The following DIXDC1 variants were observed in gnomAD, a reference collection of about 807,000 sequenced individuals.
DIXDC1 encodes the protein dixin.
Under a neutral mutation model 103.1 loss-of-function variants are expected in DIXDC1, and 64 were observed. The ratio of observed to expected loss-of-function variants is 0.62; its 90% CI spans 0.51 to 0.76. The LOEUF (loss-of-function observed/expected upper bound fraction) is 0.76, where lower values mean the gene tolerates loss of function less well. DIXDC1 is among the 30% of genes least tolerant of loss of function. DIXDC1 has a pLI of 0.00. For missense variants in DIXDC1, 759 were observed against 834.2 expected (o/e 0.91, Z 1.11); for synonymous variants, 266 against 298.5 (o/e 0.89, Z 1.12).
At chr11:111,961,164 T>A (rs1460549971) in intron 1 of DIXDC1, among the ~76,000 whole-genome samples, 5 of 152,206 alleles carry the variant, frequency 3.3e-5, no homozygotes, top group Non-Finnish European at 7.3e-5. Flanking sequence ...ATGCTACTGA[T>A]CTGGGAAGCA....
chr11:111,977,509 G>T lies in DIXDC1; in HGVS notation c.656+2526G>T, dbSNP rs587652327. ...GGGAGGCAGCTTCCGCCGGGGCCGG[G>T]CTGCTGCACAGTCTGAGCGGCCGGG... On this transcript the variant is annotated intron_variant, in intron 5 of 19. Coordinates refer to ENST00000440460, the MANE Select transcript of DIXDC1 (RefSeq NM_001037954.4). This position sits in a 1 kb window ranked among gnomAD's most constrained non-coding sequence, Gnocchi z 6.1. 44 of 1,357,580 alleles carry T rather than the reference G, an allele frequency of 3.2e-5. No individual in the cohort carries two copies. The highest frequency in any genetic ancestry group is 7.6e-5 in the Admixed American group (2 of 26,476). The allele number at this position is 1,357,580 out of a possible 1,614,324, so 84.1% of individuals were successfully genotyped here. A position where few individuals can be genotyped will look rare whatever the true frequency, so the allele number is the denominator to read the frequency against.
At chr11:111,997,866 T>C (rs1860952234) in intron 17 of DIXDC1, among the ~76,000 whole-genome samples, 1 of 152,206 alleles carries the variant, frequency 6.6e-6, no homozygotes, top group Non-Finnish European at 1.5e-5. Flanking sequence ...CTGAAATATC[T>C]CTTATCTGAA....
At chr11:112,009,561 T>C (rs587598678) in intron 17 of DIXDC1, among the ~76,000 whole-genome samples, 1 of 152,258 alleles carries the variant, frequency 6.6e-6, no homozygotes, top group Non-Finnish European at 1.5e-5. Context: ...AAATCTTCAA[T>C]AAAATACTGG....
chr11:111,996,169 T>C (rs782422984), intron 17 of DIXDC1, 23 bp downstream of exon 17: 1 of 1,601,672 alleles, frequency 6.2e-7, no homozygotes, highest in Admixed American at 1.7e-5. Flanking sequence ...TTTTGCTCAG[T>C]AGGGACTCCT....
intron 2 of DIXDC1, among the ~76,000 whole-genome samples, 181 bp from the exon 3 acceptor site, chr11:111,968,332 C>T (rs1446355233): frequency 6.6e-6 from 1 of 152,170 alleles, no homozygotes; most frequent in Non-Finnish European, 1.5e-5. Flanking sequence ...TGAAAGCCTT[C>T]CAAAAGGCTT....
intron 1 of DIXDC1, among the ~76,000 whole-genome samples, chr11:111,943,487 CTTTTTTTTTTTTT>C (rs1161024928): frequency 1.8e-5 from 2 of 113,432 alleles, no homozygotes; most frequent in Non-Finnish European, 3.5e-5. Flanking sequence ...TTCTTTCTCT[CTTTTTTTTTTTTT>C]TTTTTTTTTT....
In DIXDC1 at chr11:111,998,142, A is replaced by G. The variant is rs587642508; in HGVS notation, c.1756+1996A>G. 4.1e-4 allele frequency among the ~76,000 whole-genome samples: 62 copies of G among 152,324 alleles called. No individual in the cohort carries two copies. Among genetic ancestry groups the G allele is most frequent in the African/African-American group, 1.3e-3 (53 of 41,572 alleles). On this transcript the variant is annotated intron_variant, in intron 17 of 19. Transcript: ENST00000440460. The surrounding 1 kb of genome is among the most constrained non-coding windows in gnomAD (Gnocchi z 4.1). ...CATTGTCTTTTCAAAAGCATTTACT[A>G]TTCTCTAAAAGTCTCCTGGAAACTT...
intron 1 of DIXDC1, chr11:111,928,441 A>C (rs1279264345): frequency 6.6e-6 from 1 of 152,076 alleles, no homozygotes; most frequent in African/African-American, 2.4e-5. Context: ...ATCTCGTTTG[A>C]TCTTGGAAGC....
Position 112,019,023 on chromosome 11 carries a change from A to T in DIXDC1, c.2039A>T (p.His680Leu). The change falls in exon 20 of 20, where the codon CAT becomes CTT. Residue 680 changes from histidine (H) to leucine (L), a missense_variant. His to Leu is a moderately conservative substitution (Grantham distance 99). This residue lies in a region of DIXDC1 where 657 missense variants were observed against 727.5 expected (regional missense o/e 0.90). Transcript: ENST00000440460. The stretch of plus-strand genomic sequence containing the variant: ...ATTGTAGCTTGGGTGGAAGAAGACC[A>T]TGGAGAGAATTAATGCCAAGTATCA... ...GKIVAWVEED[H>L]GEN 1 of 1,613,126 alleles carries T rather than the reference A, an allele frequency of 6.2e-7. No individual in the cohort carries two copies. The highest frequency in any genetic ancestry group is 1.1e-5 in the South Asian group (1 of 91,016).
upstream of DIXDC1, among the ~76,000 whole-genome samples, chr11:111,933,217 C>T (rs964339686): frequency 2.0e-5 from 3 of 151,192 alleles, no homozygotes; most frequent in African/African-American, 7.3e-5. Context: ...CAACCTCCAC[C>T]TCCCAGGTTC....
rs781924169 is a variant in DIXDC1, at chr11:112,020,676, A to G, written c.*1640A>G. ...TTTTATTACGAGTATATTAATGACA[A>G]CTAATTCCTGTTCCAATTCTACCTG... On this transcript the variant is annotated 3_prime_UTR_variant, in exon 20 of 20. Coordinates refer to ENST00000440460, the MANE Select transcript of DIXDC1 (RefSeq NM_001037954.4). 2.6e-5 allele frequency: 4 copies of G among 152,196 alleles called. No individual in the cohort carries two copies. The highest frequency in any genetic ancestry group is 5.9e-5 in the Non-Finnish European group (4 of 68,026). 9.4% of individuals were successfully genotyped at this position (152,196 alleles called of 1,614,324 possible). A position where few individuals can be genotyped will look rare whatever the true frequency, so the allele number is the denominator to read the frequency against.
intron 17 of DIXDC1, among the ~76,000 whole-genome samples, chr11:112,004,859 C>T (rs1248959086): frequency 6.6e-6 from 1 of 152,050 alleles, no homozygotes; most frequent in African/African-American, 2.4e-5. Flanking sequence ...ATTAACTCAA[C>T]TGTCCCTACC....
chr11:111,991,346 C>G lies in DIXDC1; in HGVS notation c.1114-1069C>G, dbSNP rs183341049. 5.3e-5 allele frequency among the ~76,000 whole-genome samples: 8 copies of G among 152,332 alleles called. No individual in the cohort carries two copies. In the East Asian group the frequency reaches 1.5e-3, roughly 29 times the overall value. ...ATTAATAACCACAGAAGTGTCTTTT[C>G]TCCCATGTAACATCATGTGGCACAT... is the stretch of plus-strand genomic sequence containing the variant. On this transcript the variant is annotated intron_variant, in intron 10 of 19. Transcript: ENST00000440460.
chr11:111,949,911 T>C (rs1294425420), intron 1 of DIXDC1, among the ~76,000 whole-genome samples: 1 of 152,192 alleles, frequency 6.6e-6, no homozygotes, highest in African/African-American at 2.4e-5. Context: ...CTTCTCTGCA[T>C]AAATAGCTTT....
upstream of DIXDC1, among the ~76,000 whole-genome samples, chr11:111,936,732 C>T (rs1208366161): frequency 5.3e-5 from 8 of 152,120 alleles, no homozygotes; most frequent in Admixed American, 2.6e-4. Context: ...ACCTCACTGT[C>T]CAGGGCCCAT....
At chr11:111,939,013 T>G (rs1966320203) in intron 1 of DIXDC1, among the ~76,000 whole-genome samples, 1 of 152,240 alleles carries the variant, frequency 6.6e-6, no homozygotes. Context: ...AATATTCTGG[T>G]TCCTCTTTTC....
intron 17 of DIXDC1, among the ~76,000 whole-genome samples, chr11:112,000,781 G>T (rs1222053741): frequency 6.6e-6 from 1 of 151,930 alleles, no homozygotes; most frequent in Admixed American, 6.6e-5. Context: ...ACCACAGTGA[G>T]ATACCACTTT....
Position 112,017,729 on chromosome 11 carries a change from C to T in DIXDC1, c.1863-48C>T. The T allele has an allele frequency of 6.8e-7, 1 of 1,476,844 alleles. No homozygotes were observed. Among genetic ancestry groups the T allele is most frequent in the Non-Finnish European group, 9.3e-7 (1 of 1,074,856 alleles). 91.5% of individuals were successfully genotyped at this position (1,476,844 alleles called of 1,614,324 possible). ...GTTTAAAGTTAACATCTTATCTTTC[C>T]AGCTATTGATCAACAGTCTATTTTA... On this transcript the variant is annotated intron_variant, in intron 18 of 19. Coordinates refer to ENST00000440460, the MANE Select transcript of DIXDC1 (RefSeq NM_001037954.4). This position sits in a 1 kb window ranked among gnomAD's most constrained non-coding sequence, Gnocchi z 4.0.
In DIXDC1 at chr11:111,986,998, C is replaced by T. The variant is rs1379911267; in HGVS notation, c.1062+74C>T. On this transcript the variant is annotated intron_variant, in intron 9 of 19. Transcript: ENST00000440460. ...AGGCACGGTGGCTCGCGCCTGTAATCCCAGCACTTTGAGAGGCCGAGGCGG... is the reference window on the plus strand; with the variant it reads ...AGGCACGGTGGCTCGCGCCTGTAATTCCAGCACTTTGAGAGGCCGAGGCGG... 25 of 1,314,364 alleles carry T rather than the reference C, an allele frequency of 1.9e-5. 1 individual carries two copies. The East Asian group carries it at 6.8e-4, about 36-fold the overall frequency. The allele number at this position is 1,314,364 out of a possible 1,614,324, so 81.4% of individuals were successfully genotyped here. A position where few individuals can be genotyped will look rare whatever the true frequency, so the allele number is the denominator to read the frequency against.
Sources: gnomAD v4.1 joint callset for allele counts (sites outside exome capture counted in the v4.1 genomes callset) on GRCh38, gnomAD v4.1.1 for gene constraint, gnomAD v4.1.1 regional missense constraint, Gnocchi (gnomAD v3.1) non-coding constraint, MANE v1.5 for transcripts, NCBI Gene and HGNC (gene_info 2026-07-23, HGNC 2026-07-21) for gene names.